Variants in MYO10 observed in about 807,000 individuals in gnomAD.
MYO10 encodes myosin X.
Under a neutral mutation model 257.3 loss-of-function variants are expected in MYO10, and 133 were observed. The ratio of observed to expected loss-of-function variants is 0.52; its 90% CI spans 0.45 to 0.60. The LOEUF (loss-of-function observed/expected upper bound fraction) is 0.60, where lower values mean the gene tolerates loss of function less well. MYO10 is among the 20% of genes least tolerant of loss of function. The pLI is 0.00. For missense variants in MYO10, 2,399 were observed against 2,635.7 expected, an observed-to-expected ratio of 0.91 and a Z score of 1.97; for synonymous variants, 1,104 against 1,028.6, an observed-to-expected ratio of 1.07 and a Z score of -1.40.
intron 2 of MYO10, among the ~76,000 whole-genome samples, chr5:16,875,587 CA>C (rs1168386413): frequency 1.3e-5 from 2 of 152,140 alleles, no homozygotes; most frequent in Non-Finnish European, 2.9e-5. Flanking sequence ...TCTATATCCA[CA>C]AAGCACAGTT....
At position 16,808,056 on chromosome 5, in the gene MYO10, C is replaced by T. The variant is rs924420490; in HGVS notation, c.279+9953G>A. On this transcript the variant is annotated intron_variant, in intron 3 of 40. Transcript: ENST00000513610. ...CATCAGCATCGATATGCTGAGGACA[C>T]ATGATTTCACCACCAATCCACCAAA... is the stretch of plus-strand genomic sequence containing the variant. 3.3e-5 allele frequency among the ~76,000 whole-genome samples: 5 copies of T among 152,186 alleles called. No individual in the cohort carries two copies. The East Asian group carries it at 9.6e-4, about 29-fold the overall frequency.
chr5:16,863,406 C>T (rs1364982880), intron 2 of MYO10, among the ~76,000 whole-genome samples: 1 of 152,136 alleles, frequency 6.6e-6, no homozygotes, highest in Non-Finnish European at 1.5e-5. Flanking sequence ...GGCCAGGCCC[C>T]AGAGACCTCC....
intron 1 of MYO10, among the ~76,000 whole-genome samples, chr5:16,878,707 T>C (rs983551246): frequency 2.0e-5 from 3 of 152,170 alleles, no homozygotes; most frequent in Non-Finnish European, 4.4e-5. Flanking sequence ...CTGGAGACCA[T>C]GATTCTAGTG....
At chr5:16,917,500 C>T (rs1745855112) in intron 1 of MYO10, among the ~76,000 whole-genome samples, 1 of 152,090 alleles carries the variant, frequency 6.6e-6, no homozygotes, top group Non-Finnish European at 1.5e-5. Flanking sequence ...TCTCCTGATA[C>T]TTCTAAATAT....
intron 1 of MYO10, among the ~76,000 whole-genome samples, chr5:16,929,989 AT>A (rs1344508898): frequency 6.6e-6 from 1 of 152,212 alleles, no homozygotes; most frequent in Admixed American, 6.5e-5. Context: ...GAAAATAACC[AT>A]TATGCAAGGA....
At chr5:16,768,892 TCTCGAA>T (rs1326702098) in intron 10 of MYO10, among the ~76,000 whole-genome samples, 176 bp downstream of exon 10, 2 of 151,936 alleles carry the variant, frequency 1.3e-5, no homozygotes, top group Non-Finnish European at 2.9e-5. Flanking sequence ...CCCAGGCTGG[TCTCGAA>T]CTCCTGGGCT....
chr5:16,679,983 G>A lies in MYO10; in HGVS notation c.4506C>T (p.Ile1502=), dbSNP rs368193673. 90 of 1,613,720 alleles carry A rather than the reference G, an allele frequency of 5.6e-5. No individual in the cohort carries two copies. Among genetic ancestry groups the A allele is most frequent in the Non-Finnish European group, 6.9e-5 (81 of 1,179,848 alleles). ...IQNVTDTKAP[I]DTPTQQLIQD... is the part of the protein sequence containing the mutation. ...GAATCAGCTGCTGGGTGGGGGTGTC[G>A]ATCGGGGCCTTGGTGTCAGTCACGT... Residue 1502 remains isoleucine (I), a synonymous_variant, in exon 33 of 41, where the codon ATC becomes ATT. Transcript: ENST00000513610.
In MYO10 at chr5:16,924,979, C is replaced by T. The variant is rs550211616; in HGVS notation, c.21+10809G>A. On this transcript the variant is annotated intron_variant, in intron 1 of 40. Transcript: ENST00000513610. The stretch of plus-strand genomic sequence containing the variant: ...CCAAATAGCTGGGACTACAGGTGCC[C>T]ACCACCACACCTGACTAATTTTTTG... Among the ~76,000 whole-genome samples, 100 of 151,920 alleles carry T rather than the reference C, an allele frequency of 6.6e-4. 1 individual carries two copies. The highest frequency in any genetic ancestry group is 2.3e-3 in the African/African-American group (94 of 41,436).
intron 19 of MYO10, among the ~76,000 whole-genome samples, chr5:16,718,101 T>G (rs531868435): frequency 3.9e-5 from 6 of 152,314 alleles, no homozygotes; most frequent in Middle Eastern, 3.4e-3. Context: ...CCTGGGCCAG[T>G]GGCTGCGGAG....
chr5:16,797,914 G>A (rs143415917), intron 3 of MYO10, among the ~76,000 whole-genome samples: 32 of 152,354 alleles, frequency 2.1e-4, no homozygotes, highest in African/African-American at 7.0e-4. Context: ...AATTGCCATT[G>A]TAACAGTATT....
intron 2 of MYO10, among the ~76,000 whole-genome samples, chr5:16,872,946 G>A (rs1744493103): frequency 6.6e-6 from 1 of 152,034 alleles, no homozygotes; most frequent in African/African-American, 2.4e-5. Context: ...ATTTGGGTAG[G>A]GACACAGGCA....
chr5:16,857,881 C>T (rs1744004091), intron 2 of MYO10, among the ~76,000 whole-genome samples: 1 of 152,186 alleles, frequency 6.6e-6, no homozygotes, highest in African/African-American at 2.4e-5. Context: ...CATTAAGTAG[C>T]TCCTCAAGTC....
intron 2 of MYO10, among the ~76,000 whole-genome samples, chr5:16,862,046 G>A (rs1744122677): frequency 1.3e-5 from 2 of 152,112 alleles, no homozygotes; most frequent in South Asian, 4.2e-4. Flanking sequence ...TTACCCATCC[G>A]AAATGCCAAC....
intron 17 of MYO10, among the ~76,000 whole-genome samples, chr5:16,761,119 T>C (rs1183296974): frequency 1.3e-5 from 2 of 152,122 alleles, no homozygotes; most frequent in African/African-American, 4.8e-5. Flanking sequence ...GCCTCCCAAG[T>C]AGCTGGGATT....
At chr5:16,810,937 C>T (rs1252151729) in intron 3 of MYO10, among the ~76,000 whole-genome samples, 2 of 151,794 alleles carry the variant, frequency 1.3e-5, no homozygotes, top group Non-Finnish European at 2.9e-5. Flanking sequence ...GGTGTGGTGG[C>T]GGATGCCTGT....
chr5:16,806,166 A>C (rs1742269885), intron 3 of MYO10, among the ~76,000 whole-genome samples: 1 of 151,422 alleles, frequency 6.6e-6, no homozygotes, highest in Admixed American at 6.6e-5. Flanking sequence ...CCAACATGGC[A>C]AAACCCCATC....
intron 3 of MYO10, among the ~76,000 whole-genome samples, chr5:16,813,204 C>T (rs751700396): frequency 2.0e-5 from 3 of 152,034 alleles, no homozygotes; most frequent in Non-Finnish European, 4.4e-5. Flanking sequence ...CACAGGAGTC[C>T]CTCCTCAATG....
chr5:16,878,590 G>T (rs1447042922), intron 1 of MYO10, among the ~76,000 whole-genome samples: 1 of 152,128 alleles, frequency 6.6e-6, no homozygotes, highest in Non-Finnish European at 1.5e-5. Flanking sequence ...AAGTGATAAA[G>T]TTTGGAGGAA....
chr5:16,870,748 C>G (rs934966544), intron 2 of MYO10, among the ~76,000 whole-genome samples: 1 of 151,968 alleles, frequency 6.6e-6, no homozygotes, highest in South Asian at 2.1e-4. Context: ...CAAAATTAGC[C>G]GGGCATGGTG....
Sources: allele counts gnomAD v4.1 joint callset (sites outside exome capture counted in the v4.1 genomes callset), GRCh38; gene constraint gnomAD v4.1.1; transcripts MANE v1.5; gene names NCBI Gene and HGNC (gene_info 2026-07-23, HGNC 2026-07-21).